The following KIF15 variants were observed in gnomAD, a reference collection of about 807,000 sequenced individuals.
The protein encoded by KIF15 is kinesin family member 15.
A neutral mutation model predicts 190.6 loss-of-function variants in KIF15; 140 were observed. The ratio of observed to expected loss-of-function variants is 0.73; its 90% CI spans 0.64 to 0.84. The LOEUF is 0.84. Among genes scored for constraint, KIF15 ranks in the 40% least tolerant of loss-of-function variants. The pLI is 0.00. For missense variants in KIF15, 1,372 were observed against 1,584.4 expected (o/e 0.87, Z 2.28); for synonymous variants, 528 against 551.3 (o/e 0.96, Z 0.59).
At chr3:44,866,595 G>A (rs1699324867) in intron 6 of KIF15, among the ~76,000 whole-genome samples, 1 of 152,320 alleles carries the variant, frequency 6.6e-6, no homozygotes, top group African/African-American at 2.4e-5. Context: ...CTGGTAGCCA[G>A]GAGGCTAGGA....
chr3:44,808,045 C>T (rs886685949), intron 16 of KIF15, among the ~76,000 whole-genome samples: 2 of 152,052 alleles, frequency 1.3e-5, no homozygotes, highest in Non-Finnish European at 1.5e-5. Flanking sequence ...AAGTGATCCT[C>T]CTGGAGCCTC....
chr3:44,795,528 C>A (rs1466261245), intron 8 of KIF15, among the ~76,000 whole-genome samples: 1 of 152,132 alleles, frequency 6.6e-6, no homozygotes, highest in African/African-American at 2.4e-5. Flanking sequence ...TGACCCACTG[C>A]TGTTAAGATT....
At chr3:44,823,873 T>G (rs1697499410) in intron 20 of KIF15, among the ~76,000 whole-genome samples, 1 of 152,130 alleles carries the variant, frequency 6.6e-6, no homozygotes, top group South Asian at 2.1e-4. Flanking sequence ...TTGGAAAAGC[T>G]CAGTATTATG....
intron 6 of KIF15, among the ~76,000 whole-genome samples, chr3:44,868,363 T>C (rs1699342679): frequency 1.3e-5 from 2 of 152,260 alleles, no homozygotes; most frequent in Admixed American, 6.5e-5. Flanking sequence ...ATTCATCTTT[T>C]GATAGACATT....
intron 1 of KIF15, among the ~76,000 whole-genome samples, chr3:44,768,298 A>G (rs952087608): frequency 2.6e-5 from 4 of 151,658 alleles, no homozygotes; most frequent in South Asian, 2.1e-4. Context: ...GAAAAGAAAA[A>G]AAAAACCACT....
chr3:44,861,598 G>C (rs948590201), intron 6 of KIF15, among the ~76,000 whole-genome samples: 9 of 152,324 alleles, frequency 5.9e-5, no homozygotes, highest in Admixed American at 6.5e-5. Context: ...AAGTTTCACC[G>C]GGAGCCGGGT....
intron 5 of KIF15, among the ~76,000 whole-genome samples, chr3:44,781,253 C>A (rs1706150490): frequency 6.6e-6 from 1 of 152,136 alleles, no homozygotes; most frequent in African/African-American, 2.4e-5. Context: ...CAAACCCTGT[C>A]CCCTGGAATG....
At chr3:44,847,861 G>A (rs1360743874) in intron 30 of KIF15, 124 bp from the exon 31 acceptor site, 1 of 675,022 alleles carries the variant, frequency 1.5e-6, no homozygotes, top group East Asian at 2.6e-5. Flanking sequence ...AATCACAATA[G>A]AGTTAGCCTT....
In KIF15 at chr3:44,783,591, T is replaced by TC. The variant is rs1706268888; in HGVS notation, c.362-1254_362-1253insC. 3.3e-5 allele frequency among the ~76,000 whole-genome samples: 5 copies of TC among 152,352 alleles called. No individual in the cohort carries two copies. In the South Asian group the frequency reaches 1.0e-3, roughly 32 times the overall value. ...TGGGGCAAAACATACTATATCTTTA[T>TC]ATAATATATTCTTCAATGGGAAAAT... On this transcript the variant is annotated intron_variant, in intron 5 of 34. Coordinates refer to ENST00000326047, the MANE Select transcript of KIF15 (RefSeq NM_020242.3).
intron 24 of KIF15, among the ~76,000 whole-genome samples, chr3:44,829,710 TG>T (rs974071681): frequency 1.5e-5 from 2 of 136,176 alleles, no homozygotes; most frequent in African/African-American, 5.5e-5. Flanking sequence ...ATATTATAGA[TG>T]TATATATATT....
intron 16 of KIF15, among the ~76,000 whole-genome samples, chr3:44,808,559 CAT>C (rs1386692554): frequency 2.0e-5 from 3 of 150,570 alleles, no homozygotes; most frequent in Non-Finnish European, 4.4e-5. Context: ...TGAGAAAACA[CAT>C]AGAGTTGTTT....
chr3:44,799,199 T>C (rs1234353004), intron 10 of KIF15: 2 of 455,164 alleles, frequency 4.4e-6, no homozygotes, highest in Non-Finnish European at 8.8e-6. Flanking sequence ...TACCTTGTAA[T>C]GAGGCTGGCC....
chr3:44,812,364 A>T (rs1000978965), intron 18 of KIF15, 75 bp downstream of exon 18: 1 of 974,488 alleles, frequency 1.0e-6, no homozygotes, highest in Non-Finnish European at 1.6e-6. Context: ...ATCCTCAAGG[A>T]TCCTCAAACA....
chr3:44,770,038 C>G (rs945547004), intron 1 of KIF15, among the ~76,000 whole-genome samples: 1 of 152,226 alleles, frequency 6.6e-6, no homozygotes, highest in Non-Finnish European at 1.5e-5. Flanking sequence ...TACCCATCCC[C>G]CTTTGTTCCT....
intron 1 of KIF15, among the ~76,000 whole-genome samples, chr3:44,770,901 A>C (rs1233279734): frequency 1.3e-5 from 2 of 152,240 alleles, no homozygotes; most frequent in African/African-American, 4.8e-5. Context: ...GTCCAAGCGA[A>C]AGTCAAAAAG....
At chr3:44,840,194 C>T (rs1006806262) in intron 27 of KIF15, among the ~76,000 whole-genome samples, 161 bp from the exon 28 acceptor site, 2 of 152,174 alleles carry the variant, frequency 1.3e-5, no homozygotes, top group Admixed American at 6.5e-5. Context: ...TAACTTTCAT[C>T]TTTTTGATGA....
At chr3:44,813,964 T>A (rs1707918946) in intron 19 of KIF15, among the ~76,000 whole-genome samples, 1 of 152,228 alleles carries the variant, frequency 6.6e-6, no homozygotes, top group South Asian at 2.1e-4. Context: ...GTGTCTTGAA[T>A]TCATGAATGT....
chr3:44,811,965 T>C (rs1013536830), intron 17 of KIF15, among the ~76,000 whole-genome samples: 2 of 152,232 alleles, frequency 1.3e-5, no homozygotes, highest in African/African-American at 2.4e-5. Flanking sequence ...TCTACTTTAA[T>C]GGACCACAAG....
chr3:44,774,289 G>A lies in KIF15; in HGVS notation c.20-106G>A, dbSNP rs533589656. Reference sequence around the variant, plus strand: ...GGAGCACAGCATTGTTAAAGTCAGGGATCTGAGGAGGCTGAATGTAGCAGG... The same window carrying A: ...GGAGCACAGCATTGTTAAAGTCAGGAATCTGAGGAGGCTGAATGTAGCAGG... On this transcript the variant is annotated intron_variant, in intron 1 of 34. Coordinates refer to ENST00000326047, the MANE Select transcript of KIF15 (RefSeq NM_020242.3). The A allele has an allele frequency of 4.9e-5, 44 of 890,080 alleles. 1 individual carries two copies. The East Asian group carries it at 8.8e-4, about 18-fold the overall frequency. The allele number at this position is 890,080 out of a possible 1,614,324, so 55.1% of individuals were successfully genotyped here. A position where few individuals can be genotyped will look rare whatever the true frequency, so the allele number is the denominator to read the frequency against.
Sources: allele counts gnomAD v4.1 joint callset (sites outside exome capture counted in the v4.1 genomes callset), GRCh38; gene constraint gnomAD v4.1.1; transcripts MANE v1.5; gene names NCBI Gene and HGNC (gene_info 2026-07-23, HGNC 2026-07-21).